The following DTD1 variants were observed in gnomAD, a reference collection of about 807,000 sequenced individuals.
DTD1 encodes the protein D-tyrosyl-tRNA deacylase 1 homolog.
DTD1 carries 13 observed loss-of-function variants against 25.6 expected under a neutral mutation model. That is an observed-to-expected ratio of 0.51 (90% CI 0.33 to 0.81). DTD1 has a LOEUF of 0.81. DTD1 is among the 30% of genes least tolerant of loss of function. DTD1 has a pLI of 0.02. For synonymous variants in DTD1, 110 were observed against 103.6 expected, an observed-to-expected ratio of 1.06 and a Z score of -0.37; for missense variants, 193 against 266.4, an observed-to-expected ratio of 0.72 and a Z score of 1.92.
chr20:18,694,988 A>G (rs940474688), intron 4 of DTD1, among the ~76,000 whole-genome samples: 3 of 152,168 alleles, frequency 2.0e-5, no homozygotes, highest in Admixed American at 1.3e-4. Context: ...GACGTATAGT[A>G]TATGTGCCAA....
intron 3 of DTD1, among the ~76,000 whole-genome samples, chr20:18,607,116 T>G (rs1219212198): frequency 6.6e-6 from 1 of 152,198 alleles, no homozygotes; most frequent in East Asian, 1.9e-4. Flanking sequence ...GATCATGGTG[T>G]ATAATTCTTT....
intron 4 of DTD1, among the ~76,000 whole-genome samples, chr20:18,735,004 G>A (rs887395599): frequency 3.9e-5 from 6 of 152,222 alleles, no homozygotes; most frequent in African/African-American, 1.2e-4. Context: ...AGGAGTGGGC[G>A]AGAATGCTGA....
intron 3 of DTD1, among the ~76,000 whole-genome samples, chr20:18,616,640 A>AG (rs1233361731): frequency 6.6e-6 from 1 of 152,104 alleles, no homozygotes; most frequent in African/African-American, 2.4e-5. Context: ...AAAGAAAAAA[A>AG]GAAAAAAAAA....
intron 4 of DTD1, among the ~76,000 whole-genome samples, chr20:18,695,488 T>TC (rs2061070049): frequency 9.9e-4 from 1 of 1,012 alleles, no homozygotes; most frequent in African/African-American, 3.7e-3. Flanking sequence ...TCCCTTCCCT[T>TC]CCTTTCCTTT....
At chr20:18,664,028 G>C (rs183276254) in intron 4 of DTD1, among the ~76,000 whole-genome samples, 95 of 152,310 alleles carry the variant, frequency 6.2e-4, no homozygotes, top group Middle Eastern at 3.4e-3. Context: ...CAGGTTTGTA[G>C]CCTAGGAGCA....
chr20:18,622,877 T>C (rs1272306816), intron 3 of DTD1, among the ~76,000 whole-genome samples: 1 of 152,006 alleles, frequency 6.6e-6, no homozygotes, highest in African/African-American at 2.4e-5. Flanking sequence ...CTCTGGGCAG[T>C]GCACTTTACC....
chr20:18,589,374 C>T (rs973188440), intron 1 of DTD1, among the ~76,000 whole-genome samples: 4 of 111,912 alleles, frequency 3.6e-5, no homozygotes, highest in Admixed American at 2.0e-4. Flanking sequence ...CAAACAAAAC[C>T]CCAAAACAAA....
At chr20:18,614,245 C>A (rs1170417628) in intron 3 of DTD1, among the ~76,000 whole-genome samples, 3 of 152,186 alleles carry the variant, frequency 2.0e-5, no homozygotes, top group Non-Finnish European at 4.4e-5. Context: ...CCCTAGAAAC[C>A]CCTAAGTCCT....
intron 5 of DTD1, among the ~76,000 whole-genome samples, chr20:18,748,224 A>G (rs536604134): frequency 6.6e-6 from 1 of 152,020 alleles, no homozygotes; most frequent in East Asian, 1.9e-4. Flanking sequence ...TGTGCCTTGG[A>G]GGTTTGTATT....
chr20:18,716,716 G>A (rs2122486442), intron 4 of DTD1, among the ~76,000 whole-genome samples: 1 of 152,268 alleles, frequency 6.6e-6, no homozygotes, highest in Non-Finnish European at 1.5e-5. Flanking sequence ...TCCCCACTAA[G>A]TGGAAAATCC....
At chr20:18,671,866 C>A (rs1173143341) in intron 4 of DTD1, among the ~76,000 whole-genome samples, 1 of 152,174 alleles carries the variant, frequency 6.6e-6, no homozygotes, top group Non-Finnish European at 1.5e-5. Context: ...TGTGCAGAAA[C>A]TTCTCCATTT....
At chr20:18,707,758 C>T (rs183979380) in intron 4 of DTD1, among the ~76,000 whole-genome samples, 2,468 of 152,116 alleles carry the variant, frequency 0.016, 27 homozygotes, top group Non-Finnish European at 0.024. Context: ...CACACACGCG[C>T]GCACACACAC....
chr20:18,608,642 A>G (rs1336520641), intron 3 of DTD1, among the ~76,000 whole-genome samples: 1 of 152,080 alleles, frequency 6.6e-6, no homozygotes, highest in Non-Finnish European at 1.5e-5. Context: ...AGTCTTCAAA[A>G]CTTTGTGTGT....
At chr20:18,623,909 G>T (rs2060746745) in intron 3 of DTD1, among the ~76,000 whole-genome samples, 1 of 70,640 alleles carries the variant, frequency 1.4e-5, no homozygotes, top group South Asian at 4.3e-4. Context: ...TGTGTGTGTA[G>T]AGACAGAAAA....
chr20:18,642,361 C>T (rs1188077168), intron 4 of DTD1, among the ~76,000 whole-genome samples: 2 of 152,090 alleles, frequency 1.3e-5, no homozygotes, highest in East Asian at 1.9e-4. Context: ...ACTCTGGATC[C>T]AGGCTGTGTC....
intron 4 of DTD1, among the ~76,000 whole-genome samples, chr20:18,681,240 G>T (rs2060995588): frequency 6.6e-6 from 1 of 152,336 alleles, no homozygotes; most frequent in Middle Eastern, 3.4e-3. Context: ...TCAGATGCCA[G>T]CTGGGCACGC....
intron 4 of DTD1, among the ~76,000 whole-genome samples, chr20:18,681,419 T>C (rs2060996135): frequency 6.6e-6 from 1 of 152,248 alleles, no homozygotes; most frequent in African/African-American, 2.4e-5. Flanking sequence ...CATTAATTTG[T>C]CTGGATTGCA....
intron 4 of DTD1, among the ~76,000 whole-genome samples, chr20:18,661,723 T>C (rs2060912317): frequency 6.6e-6 from 1 of 152,092 alleles, no homozygotes; most frequent in Non-Finnish European, 1.5e-5. Context: ...AAACTTTGTT[T>C]AAACAAAGTA....
At chr20:18,741,897 ATTTTTTTTT>A (rs57912866) in intron 4 of DTD1, among the ~76,000 whole-genome samples, 71 of 88,708 alleles carry the variant, frequency 8.0e-4, no homozygotes, top group Middle Eastern at 0.013. Flanking sequence ...TAACCTTTGT[ATTTTTTTTT>A]TTTTTTTTTT....
Sources: gnomAD v4.1 joint callset for allele counts (sites outside exome capture counted in the v4.1 genomes callset) on GRCh38, gnomAD v4.1.1 for gene constraint, MANE v1.5 for transcripts, NCBI Gene and HGNC (gene_info 2026-07-23, HGNC 2026-07-21) for gene names.